Variants in SPRY3 observed in about 807,000 individuals in gnomAD.
SPRY3 encodes the protein sprouty RTK signaling antagonist 3, also known as protein sprouty homolog 3.
In SPRY3, 15 loss-of-function variants were observed where a neutral mutation model predicts 20.2. The ratio of observed to expected loss-of-function variants is 0.74; its 90% CI spans 0.50 to 1.14. The LOEUF is 1.14. SPRY3 is among the 50% of genes most tolerant of loss of function. The pLI is 0.00. For synonymous variants in SPRY3, 143 were observed against 136.5 expected (o/e 1.05, Z -0.33); for missense variants, 364 against 363.9 (o/e 1.00, Z 0.00).
chrX:155,768,898 C>T (rs1303237514), intron 3 of SPRY3, among the ~76,000 whole-genome samples: 1 of 152,168 alleles, frequency 6.6e-6, no homozygotes, highest in East Asian at 1.9e-4. Context: ...GTTGGATGAA[C>T]AGAAAACAGA....
chrX:155,630,125 T>G (rs781790570), intron 1 of SPRY3, among the ~76,000 whole-genome samples: 3 of 112,147 alleles, frequency 2.7e-5, no homozygotes, highest in Non-Finnish European at 5.6e-5. Flanking sequence ...TACCCCATTC[T>G]TCACTCCCAC....
intron 1 of SPRY3, among the ~76,000 whole-genome samples, chrX:155,626,083 T>C (rs1423392525): frequency 9.0e-6 from 1 of 111,436 alleles, no homozygotes; most frequent in African/African-American, 3.3e-5. Context: ...CTGGATTATA[T>C]GGTAATTCTA....
At chrX:155,767,985 TCTGG>T (rs1434757158) in exon 3 of SPRY3, 1 of 152,192 alleles carries the variant, frequency 6.6e-6, no homozygotes, top group Non-Finnish European at 1.5e-5. Flanking sequence ...TATCTCTGTT[TCTGG>T]CTCCACTGCC....
chrX:155,667,515 G>T (rs1368883563), intron 2 of SPRY3, among the ~76,000 whole-genome samples: 1 of 111,084 alleles, frequency 9.0e-6, no homozygotes, highest in Non-Finnish European at 1.9e-5. Flanking sequence ...GAGGCAGAAA[G>T]TGTAGGGTTG....
At chrX:155,757,050 C>A (rs1453192628) in intron 2 of SPRY3, among the ~76,000 whole-genome samples, 1 of 152,100 alleles carries the variant, frequency 6.6e-6, no homozygotes, top group Non-Finnish European at 1.5e-5. Flanking sequence ...CCAGAGAGAT[C>A]TTTTTAAAAT....
intron 2 of SPRY3, among the ~76,000 whole-genome samples, chrX:155,766,461 G>C (rs929782635): frequency 6.6e-6 from 1 of 152,142 alleles, no homozygotes; most frequent in Non-Finnish European, 1.5e-5. Context: ...GACTCACACA[G>C]TTTGTTTTAC....
At chrX:155,767,060 T>C (rs1484838512) in intron 2 of SPRY3, among the ~76,000 whole-genome samples, 1 of 152,068 alleles carries the variant, frequency 6.6e-6, no homozygotes, top group Admixed American at 6.6e-5. Flanking sequence ...ATTGTTACTC[T>C]CCACCCCACC....
At chrX:155,713,594 T>C (rs1266505378) in intron 2 of SPRY3, among the ~76,000 whole-genome samples, 1 of 152,172 alleles carries the variant, frequency 6.6e-6, no homozygotes, top group Non-Finnish European at 1.5e-5. Context: ...TATCATATGA[T>C]ATTTCTTTTC....
At chrX:155,730,812 A>G in intron 2 of SPRY3, among the ~76,000 whole-genome samples, 1 of 152,260 alleles carries the variant, frequency 6.6e-6, no homozygotes, top group Middle Eastern at 3.4e-3. Flanking sequence ...AAATTCAGTA[A>G]CATTGCAGGA....
At chrX:155,716,138 C>T (rs1452923516) in intron 2 of SPRY3, among the ~76,000 whole-genome samples, 1 of 152,104 alleles carries the variant, frequency 6.6e-6, no homozygotes, top group Non-Finnish European at 1.5e-5. Context: ...GGCTTCTATT[C>T]CACAATCTTT....
At chrX:155,733,032 G>A (rs2091144299) in intron 2 of SPRY3, among the ~76,000 whole-genome samples, 1 of 151,890 alleles carries the variant, frequency 6.6e-6, no homozygotes, top group African/African-American at 2.4e-5. Flanking sequence ...GAGAGAGAAG[G>A]GGAATGGTTA....
At chrX:155,749,018 G>A (rs2091244072) in intron 2 of SPRY3, among the ~76,000 whole-genome samples, 1 of 151,842 alleles carries the variant, frequency 6.6e-6, no homozygotes. Flanking sequence ...GGAGAAAACA[G>A]AAGTGAACTA....
intron 2 of SPRY3, among the ~76,000 whole-genome samples, chrX:155,677,837 A>T (rs2068062485): frequency 9.0e-6 from 1 of 111,568 alleles, no homozygotes; most frequent in African/African-American, 3.3e-5. Context: ...ATTCCAATAA[A>T]TGTTTATCAG....
At chrX:155,781,979 A>G (rs929216013) in exon 2 of SPRY3, 1 of 167,030 alleles carries the variant, frequency 6.0e-6, no homozygotes, top group Non-Finnish European at 1.5e-5. Context: ...AGAGGAATAT[A>G]AAAGCAGTGG....
intron 1 of SPRY3, among the ~76,000 whole-genome samples, chrX:155,645,628 A>G (rs782082250): frequency 8.9e-6 from 1 of 112,306 alleles, no homozygotes; most frequent in Non-Finnish European, 1.9e-5. Context: ...AATGTCTCAC[A>G]GTTGTTGCAC....
intron 2 of SPRY3, among the ~76,000 whole-genome samples, chrX:155,730,101 C>G (rs2091123525): frequency 6.6e-6 from 1 of 152,040 alleles, no homozygotes; most frequent in Admixed American, 6.6e-5. Context: ...CTGTTGAAAT[C>G]TAAAAAACAT....
At chrX:155,632,251 A>ACACACACG (rs2067908975) in intron 1 of SPRY3, among the ~76,000 whole-genome samples, 1 of 110,982 alleles carries the variant, frequency 9.0e-6, no homozygotes, top group Non-Finnish European at 1.9e-5. Flanking sequence ...ACACACGCAC[A>ACACACACG]CACACACTGT....
intron 2 of SPRY3, among the ~76,000 whole-genome samples, chrX:155,704,133 A>G (rs1389383571): frequency 6.6e-6 from 1 of 151,910 alleles, no homozygotes; most frequent in Non-Finnish European, 1.5e-5. Flanking sequence ...AAAGGCAAAA[A>G]AAAGAATCAA....
chrX:155,773,645 TGAA>T (rs1019376806), intron 3 of SPRY3, 118 bp from the exon 3 acceptor site: 3 of 585,472 alleles, frequency 5.1e-6, no homozygotes, highest in Non-Finnish European at 9.1e-6. Context: ...AGGTGTAGCA[TGAA>T]GATTACTGTA....
Sources: gnomAD v4.1 joint callset for allele counts (sites outside exome capture counted in the v4.1 genomes callset) on GRCh38, gnomAD v4.1.1 for gene constraint, MANE v1.5 for transcripts, NCBI Gene and HGNC (gene_info 2026-07-23, HGNC 2026-07-21) for gene names.